The following FAM53B variants were observed in gnomAD, a reference collection of about 807,000 sequenced individuals.
FAM53B encodes the protein family with sequence similarity 53 member B, also known as protein FAM53B.
In FAM53B, 12 loss-of-function variants were observed where a neutral mutation model predicts 32.7. The ratio of observed to expected loss-of-function variants is 0.37; its 90% CI spans 0.24 to 0.59. FAM53B has a LOEUF of 0.59. FAM53B is among the 20% of genes least tolerant of loss of function. FAM53B has a pLI of 0.72. For missense variants in FAM53B, 477 were observed against 577.7 expected (o/e 0.83, Z 1.79); for synonymous variants, 234 against 228.7 (o/e 1.02, Z -0.21).
chr10:124,653,275 G>A (rs1225188426), intron 4 of FAM53B, among the ~76,000 whole-genome samples: 2 of 152,258 alleles, frequency 1.3e-5, no homozygotes, highest in South Asian at 4.1e-4. Context: ...CAGCCAGGAG[G>A]TAATGTCCTC....
intron 3 of FAM53B, among the ~76,000 whole-genome samples, chr10:124,689,104 C>T (rs1009794427): frequency 6.6e-6 from 1 of 152,162 alleles, no homozygotes; most frequent in Non-Finnish European, 1.5e-5. Context: ...GAGTATCTCT[C>T]CCCTGCCCTG....
intron 1 of FAM53B, among the ~76,000 whole-genome samples, chr10:124,734,278 C>G (rs1950162017): frequency 6.6e-6 from 1 of 152,236 alleles, no homozygotes; most frequent in African/African-American, 2.4e-5. Flanking sequence ...AGATCCATCT[C>G]TGAATTCCTC....
intron 1 of FAM53B, among the ~76,000 whole-genome samples, chr10:124,707,480 G>A (rs1949968662): frequency 6.6e-6 from 1 of 152,204 alleles, no homozygotes; most frequent in Admixed American, 6.5e-5. Context: ...GCTCATGCCT[G>A]TAATCCCAGC....
rs533580656 is a variant in FAM53B at position 124,734,721 on chromosome 10, G to T, written c.-175+9292C>A. On this transcript the variant is annotated intron_variant, in intron 1 of 4. Transcript: ENST00000337318. ...TGAGTCTTCACACTCCATACAAAGG[G>T]GTGTCCCTCAAAGCTACCCAAAGTG... Among the ~76,000 whole-genome samples, 3 of 152,252 alleles carry T rather than the reference G, an allele frequency of 2.0e-5. No individual in the cohort carries two copies. In the East Asian group the frequency reaches 5.8e-4, roughly 29 times the overall value.
rs1245505272 is a variant in FAM53B, at chr10:124,682,030, G to A, written c.483C>T (p.Thr161=). The stretch of plus-strand genomic sequence containing the variant: ...GGCTGAAGCTGGAACTCCTCTGCAT[G>A]GTGCTGAAGCCGTTGGAATAGCGCT... ...SVQRYSNGFS[T]MQRSSSFSLP... The change falls in exon 4 of 5, where the codon ACC becomes ACT. Residue 161 remains threonine, a synonymous_variant. Coordinates refer to ENST00000337318, the MANE Select transcript of FAM53B (RefSeq NM_014661.4). This position sits in a 1 kb window ranked among gnomAD's most constrained non-coding sequence, Gnocchi z 5.2. 1 of 1,613,694 alleles carries A rather than the reference G, an allele frequency of 6.2e-7. No homozygotes were observed. Among genetic ancestry groups the A allele is most frequent in the South Asian group, 1.1e-5 (1 of 91,078 alleles).
intron 4 of FAM53B, among the ~76,000 whole-genome samples, chr10:124,665,556 C>T (rs762219277): frequency 2.6e-5 from 4 of 152,248 alleles, no homozygotes; most frequent in Non-Finnish European, 4.4e-5. Flanking sequence ...AGAACAATCC[C>T]ATATGCATAC....
At chr10:124,706,525 T>G in intron 2 of FAM53B, 111 bp downstream of exon 2, 1 of 1,385,438 alleles carries the variant, frequency 7.2e-7, no homozygotes. Flanking sequence ...AGCTTTGCTC[T>G]TGGGGACTCT....
At chr10:124,664,317 C>A (rs900660864) in intron 4 of FAM53B, among the ~76,000 whole-genome samples, 2 of 152,164 alleles carry the variant, frequency 1.3e-5, no homozygotes, top group Admixed American at 6.5e-5. Flanking sequence ...TTACCCCAGG[C>A]ATGGGAAGTG....
At chr10:124,739,127 T>C (rs539503069) in intron 1 of FAM53B, among the ~76,000 whole-genome samples, 1 of 152,282 alleles carries the variant, frequency 6.6e-6, no homozygotes, top group Admixed American at 6.5e-5. Flanking sequence ...AGTTCTAGGT[T>C]TCTCTGTGGT....
intron 4 of FAM53B, among the ~76,000 whole-genome samples, chr10:124,660,089 G>A (rs1028344239): frequency 2.6e-5 from 4 of 152,238 alleles, no homozygotes; most frequent in African/African-American, 9.6e-5. Flanking sequence ...TTACAGGCAT[G>A]AGCCGCTGTG....
In FAM53B at chr10:124,622,687, C is replaced by T. The variant is rs1308793777; in HGVS notation, c.*555G>A. ...TTAAGGCCAAATGGTTCTGGTGTTA[C>T]AGAAGGAAGCATCTCCCGAACCTTC... On this transcript the variant is annotated 3_prime_UTR_variant, in exon 5 of 5. Transcript: ENST00000337318. 1 of 152,840 alleles carries T rather than the reference C, an allele frequency of 6.5e-6. No homozygotes were observed. Among genetic ancestry groups the T allele is most frequent in the African/African-American group, 2.4e-5 (1 of 41,470 alleles). The allele number at this position is 152,840 out of a possible 1,614,324, so 9.5% of individuals were successfully genotyped here. A position where few individuals can be genotyped will look rare whatever the true frequency, so the allele number is the denominator to read the frequency against.
intron 3 of FAM53B, among the ~76,000 whole-genome samples, chr10:124,684,666 T>G (rs1287242991): frequency 1.3e-5 from 2 of 152,120 alleles, no homozygotes; most frequent in Non-Finnish European, 2.9e-5. Context: ...ATTACAGGCA[T>G]GTACCACACG....
At chr10:124,675,439 T>C (rs973748249) in intron 4 of FAM53B, among the ~76,000 whole-genome samples, 25 of 151,990 alleles carry the variant, frequency 1.6e-4, no homozygotes, top group African/African-American at 5.6e-4. Context: ...CGAGCTACCA[T>C]GGGAGCAACA....
At chr10:124,707,973 G>T (rs1013400473) in intron 1 of FAM53B, 2 of 152,164 alleles carry the variant, frequency 1.3e-5, no homozygotes, top group Admixed American at 1.3e-4. Context: ...TGAAGAAAGA[G>T]TGCGGCCTTC....
chr10:124,664,073 A>T (rs1012797452), intron 4 of FAM53B, among the ~76,000 whole-genome samples: 1 of 152,148 alleles, frequency 6.6e-6, no homozygotes, highest in African/African-American at 2.4e-5. Flanking sequence ...AGGTTCACAC[A>T]GCACCAGGCA....
At chr10:124,637,438 C>T (rs1949440678) in intron 4 of FAM53B, among the ~76,000 whole-genome samples, 1 of 152,208 alleles carries the variant, frequency 6.6e-6, no homozygotes, top group African/African-American at 2.4e-5. Flanking sequence ...CCCTACCCTG[C>T]AAAGCCACTG....
At chr10:124,703,610 A>G (rs1949930502) in intron 2 of FAM53B, 1 of 152,448 alleles carries the variant, frequency 6.6e-6, no homozygotes, top group African/African-American at 2.4e-5. Flanking sequence ...GAGAAAGCCC[A>G]TCTCCAACAG....
intron 4 of FAM53B, among the ~76,000 whole-genome samples, chr10:124,652,370 C>G (rs1422428255): frequency 6.6e-6 from 1 of 152,184 alleles, no homozygotes; most frequent in East Asian, 1.9e-4. Flanking sequence ...AACTGAGGCC[C>G]TGGGCAACAC....
intron 4 of FAM53B, among the ~76,000 whole-genome samples, chr10:124,670,648 A>G (rs957726848): frequency 4.6e-5 from 7 of 151,956 alleles, no homozygotes; most frequent in African/African-American, 1.2e-4. Flanking sequence ...CCTTCCCTCT[A>G]CTCAGGACAT....
Sources: allele counts gnomAD v4.1 joint callset (sites outside exome capture counted in the v4.1 genomes callset), GRCh38; gene constraint gnomAD v4.1.1; non-coding constraint Gnocchi (gnomAD v3.1); transcripts MANE v1.5; gene names NCBI Gene and HGNC (gene_info 2026-07-23, HGNC 2026-07-21).